The following PNKD variants were observed in gnomAD, a reference collection of about 807,000 sequenced individuals.
PNKD encodes PNKD metallo-beta-lactamase domain containing.
Under a neutral mutation model 45.3 loss-of-function variants are expected in PNKD, and 36 were observed. That is an observed-to-expected ratio of 0.80 (90% CI 0.61 to 1.05). PNKD has a LOEUF of 1.05. Ranked by LOEUF, PNKD falls within the 50% of genes least tolerant of loss-of-function variation. PNKD has a pLI of 0.00. For synonymous variants in PNKD, 197 were observed against 210.1 expected (o/e 0.94, Z 0.54); for missense variants, 511 against 506.6 (o/e 1.01, Z -0.08).
chr2:218,344,598 T>C, intron 9 of PNKD, 28 bp downstream of exon 9: 1 of 1,569,550 alleles, frequency 6.4e-7, no homozygotes, highest in Non-Finnish European at 8.7e-7. Flanking sequence ...CAGGAGGAGC[T>C]GTGTGGGCAG....
At chr2:218,298,332 G>A (rs1011322305) in intron 2 of PNKD, among the ~76,000 whole-genome samples, 3 of 152,130 alleles carry the variant, frequency 2.0e-5, no homozygotes, top group Non-Finnish European at 4.4e-5. Context: ...AATCTTCAGT[G>A]GAAGCATAAA....
At chr2:218,306,793 G>A (rs899871213) in intron 2 of PNKD, among the ~76,000 whole-genome samples, 13 of 152,202 alleles carry the variant, frequency 8.5e-5, no homozygotes, top group Non-Finnish European at 1.8e-4. Context: ...GTGCAATGAA[G>A]TGTGCAAGTC....
chr2:218,341,249 A>G (rs765658623), intron 5 of PNKD, among the ~76,000 whole-genome samples: 13 of 152,228 alleles, frequency 8.5e-5, no homozygotes, highest in Non-Finnish European at 2.9e-5. Context: ...GGGAACAGGG[A>G]TGGGAGGCCC....
intron 2 of PNKD, among the ~76,000 whole-genome samples, chr2:218,293,034 A>G (rs1693032331): frequency 6.6e-6 from 1 of 152,252 alleles, no homozygotes; most frequent in Non-Finnish European, 1.5e-5. Flanking sequence ...TACATTACAA[A>G]TAAATCAGTA....
chr2:218,279,515 C>G, intron 2 of PNKD: 1 of 575,674 alleles, frequency 1.7e-6, no homozygotes, highest in Non-Finnish European at 3.0e-6. Flanking sequence ...GCAATGTGCA[C>G]TTCTTCCTCA....
chr2:218,337,357 G>C (rs1319048146), intron 2 of PNKD, among the ~76,000 whole-genome samples: 1 of 152,192 alleles, frequency 6.6e-6, no homozygotes, highest in Non-Finnish European at 1.5e-5. Flanking sequence ...ACAGGCATGA[G>C]CCACCGCGCC....
At position 218,341,504 on chromosome 2, in the gene PNKD, A is replaced by C; in HGVS notation, c.525-30A>C. The C allele has an allele frequency of 2.0e-6, 3 of 1,477,634 alleles. 1 individual carries two copies. The highest frequency in any genetic ancestry group is 1.9e-5 in the Admixed American group (1 of 53,680). 91.5% of individuals were successfully genotyped at this position (1,477,634 alleles called of 1,614,324 possible). A position where few individuals can be genotyped will look rare whatever the true frequency, so the allele number is the denominator to read the frequency against. On this transcript the variant is annotated intron_variant, in intron 5 of 9. Transcript: ENST00000273077. ...GGGCTTAGGTACAGTTGCCCCTCGA[A>C]GCCCCCTGCCTGTCTCTGCTGTCCT...
At chr2:218,344,052 A>G (rs1358361404) in intron 8 of PNKD, among the ~76,000 whole-genome samples, 1 of 152,214 alleles carries the variant, frequency 6.6e-6, no homozygotes, top group African/African-American at 2.4e-5. Context: ...CACCTAACAC[A>G]TACCAGGCTC....
In PNKD at chr2:218,345,292, G is replaced by T. The variant is rs535683095; in HGVS notation, c.*311G>T. On this transcript the variant is annotated 3_prime_UTR_variant, in exon 10 of 10. Transcript: ENST00000273077. ...TCCCCTCCTCCTTCCCTACTCCTGGGACGGCAGCAAGGACATGGGGGCTGC... is the reference window on the plus strand; with the variant it reads ...TCCCCTCCTCCTTCCCTACTCCTGGTACGGCAGCAAGGACATGGGGGCTGC... 2.1e-5 allele frequency: 7 copies of T among 339,542 alleles called. No homozygotes were observed. The East Asian group carries it at 3.2e-4, about 15-fold the overall frequency. 21.0% of individuals were successfully genotyped at this position (339,542 alleles called of 1,614,324 possible).
At chr2:218,302,404 C>A (rs542253267) in intron 2 of PNKD, among the ~76,000 whole-genome samples, 2 of 152,244 alleles carry the variant, frequency 1.3e-5, no homozygotes, top group South Asian at 4.2e-4. Context: ...CAGAAGGTGG[C>A]ATGAAAGAGT....
chr2:218,292,226 C>T (rs889812773), intron 2 of PNKD, among the ~76,000 whole-genome samples: 5 of 152,376 alleles, frequency 3.3e-5, no homozygotes, highest in African/African-American at 1.2e-4. Context: ...CGCTGCTGGG[C>T]TCCCAAGGCT....
intron 2 of PNKD, chr2:218,323,144 G>A (rs1694037646): frequency 2.3e-6 from 3 of 1,326,494 alleles, no homozygotes; most frequent in African/African-American, 1.6e-5. Flanking sequence ...AGGTCAATGG[G>A]CGGGGCGGGG....
At chr2:218,323,150 C>A in intron 2 of PNKD, 1 of 1,332,406 alleles carries the variant, frequency 7.5e-7, no homozygotes, top group South Asian at 1.8e-5. Flanking sequence ...ATGGGCGGGG[C>A]GGGGCCACAA....
chr2:218,334,618 C>T (rs1694435669), intron 2 of PNKD: 2 of 687,792 alleles, frequency 2.9e-6, no homozygotes, highest in South Asian at 1.5e-5. Flanking sequence ...CACATCACCG[C>T]ACTCTTGACC....
chr2:218,322,179 C>T (rs1694004495), intron 2 of PNKD, among the ~76,000 whole-genome samples: 1 of 152,144 alleles, frequency 6.6e-6, no homozygotes, highest in Non-Finnish European at 1.5e-5. Context: ...CCCTCGGCCT[C>T]CCAAAGTGCT....
intron 2 of PNKD, among the ~76,000 whole-genome samples, chr2:218,279,775 A>G (rs2045434): frequency 0.35 from 53,745 of 152,034 alleles, 9,918 homozygotes; most frequent in Middle Eastern, 0.5. Context: ...CTGTGGCAGA[A>G]CCCACCTAGG....
intron 2 of PNKD, chr2:218,277,740 C>T: frequency 6.3e-7 from 1 of 1,599,480 alleles, no homozygotes; most frequent in Admixed American, 1.7e-5. Flanking sequence ...GGGGAGTGGC[C>T]ATGGTGGCCT....
intron 2 of PNKD, among the ~76,000 whole-genome samples, chr2:218,310,525 A>G (rs1330426336): frequency 6.6e-6 from 1 of 150,596 alleles, no homozygotes; most frequent in East Asian, 2.0e-4. Flanking sequence ...CCCGGCCTAC[A>G]TAACAATGTT....
At chr2:218,273,667 TTTTAGTAGAGA>T (rs1405809983) in intron 2 of PNKD, among the ~76,000 whole-genome samples, 1 of 150,974 alleles carries the variant, frequency 6.6e-6, no homozygotes, top group Non-Finnish European at 1.5e-5. Flanking sequence ...TTTTTTGTAC[TTTTAGTAGAGA>T]TGGGGTTTCA....
Sources: allele counts gnomAD v4.1 joint callset (sites outside exome capture counted in the v4.1 genomes callset), GRCh38; gene constraint gnomAD v4.1.1; transcripts MANE v1.5; gene names NCBI Gene and HGNC (gene_info 2026-07-23, HGNC 2026-07-21).